RETREG1: variants seen among roughly 807,000 people sequenced by gnomAD.
The protein encoded by RETREG1 is family with sequence similarity 134 member B.
Under a neutral mutation model 54.8 loss-of-function variants are expected in RETREG1, and 44 were observed. That is an observed-to-expected ratio of 0.80 (90% CI 0.63 to 1.03). RETREG1 has a LOEUF of 1.03. Among genes scored for constraint, RETREG1 ranks in the 50% least tolerant of loss-of-function variants. RETREG1 has a pLI of 0.00. For missense variants in RETREG1, 554 were observed against 605.1 expected, an observed-to-expected ratio of 0.92 and a Z score of 0.89; for synonymous variants, 217 against 238.5, an observed-to-expected ratio of 0.91 and a Z score of 0.83.
chr5:16,535,456 G>C (rs753085178), intron 3 of RETREG1, among the ~76,000 whole-genome samples: 22 of 150,984 alleles, frequency 1.5e-4, no homozygotes, highest in Non-Finnish European at 3.1e-4. Flanking sequence ...CCATGCGTGC[G>C]CCTTTGCAGA....
At chr5:16,592,949 C>G (rs1742816226) in intron 1 of RETREG1, among the ~76,000 whole-genome samples, 1 of 152,034 alleles carries the variant, frequency 6.6e-6, no homozygotes, top group African/African-American at 2.4e-5. Flanking sequence ...GGGTACTAGG[C>G]TCAGTACCTG....
intron 1 of RETREG1, among the ~76,000 whole-genome samples, chr5:16,614,973 G>C (rs1002233811): frequency 6.6e-6 from 1 of 152,206 alleles, no homozygotes; most frequent in African/African-American, 2.4e-5. Flanking sequence ...GCTGGCCTCC[G>C]TGAGGAAACT....
intron 1 of RETREG1, among the ~76,000 whole-genome samples, chr5:16,583,680 A>G (rs2447818): frequency 0.14 from 21,687 of 152,208 alleles, 1,541 homozygotes; most frequent in Non-Finnish European, 0.16. Flanking sequence ...ATCTTGTTTG[A>G]TAATGGATAA....
intron 5 of RETREG1, among the ~76,000 whole-genome samples, chr5:16,480,080 T>C (rs1267769482): frequency 6.6e-6 from 1 of 152,056 alleles, no homozygotes; most frequent in Non-Finnish European, 1.5e-5. Context: ...AGTGAACATG[T>C]CTACCAGTAG....
chr5:16,553,986 T>C (rs1741618973), intron 3 of RETREG1, among the ~76,000 whole-genome samples: 1 of 152,192 alleles, frequency 6.6e-6, no homozygotes, highest in Admixed American at 6.5e-5. Flanking sequence ...TTAAATCTTA[T>C]TCTGGATAAT....
At position 16,585,154 on chromosome 5, in the gene RETREG1, A is replaced by G. The variant is rs1253493107; in HGVS notation, c.321-13052T>C. Among the ~76,000 whole-genome samples the G allele has an allele frequency of 6.6e-6, 1 of 152,200 alleles. No homozygotes were observed. Among genetic ancestry groups the G allele is most frequent in the Non-Finnish European group, 1.5e-5 (1 of 68,026 alleles). On this transcript the variant is annotated intron_variant, in intron 1 of 8. Transcript: ENST00000306320. This position sits in a 1 kb window ranked among gnomAD's most constrained non-coding sequence, Gnocchi z 4.5. Reference sequence around the variant, plus strand: ...GGTAGTAACAATCAGAGTCTGCTGCAGTGGAGGAGGGGAATAACCTTACTC... The same window carrying G: ...GGTAGTAACAATCAGAGTCTGCTGCGGTGGAGGAGGGGAATAACCTTACTC...
intron 3 of RETREG1, among the ~76,000 whole-genome samples, chr5:16,489,841 T>C (rs10079534): frequency 2.0e-5 from 3 of 152,034 alleles, no homozygotes; most frequent in African/African-American, 7.2e-5. Context: ...TTGAAAACTA[T>C]GTTGGGGATT....
At chr5:16,541,461 G>A (rs548927526) in intron 3 of RETREG1, among the ~76,000 whole-genome samples, 93 of 152,240 alleles carry the variant, frequency 6.1e-4, no homozygotes, top group Non-Finnish European at 8.4e-4. Flanking sequence ...AGGCAGAGGC[G>A]GCGGATCTCA....
At chr5:16,568,550 C>T (rs998698391) in intron 2 of RETREG1, among the ~76,000 whole-genome samples, 8 of 152,134 alleles carry the variant, frequency 5.3e-5, no homozygotes, top group Non-Finnish European at 7.3e-5. Context: ...TGAGGTCATG[C>T]GGAGGCATGA....
chr5:16,476,338 C>T (rs575832578), intron 8 of RETREG1, among the ~76,000 whole-genome samples: 2 of 152,232 alleles, frequency 1.3e-5, no homozygotes, highest in East Asian at 1.9e-4. Context: ...CATTCACCCT[C>T]CTCCTTTATA....
chr5:16,524,518 C>T (rs1326243831), intron 3 of RETREG1, among the ~76,000 whole-genome samples: 2 of 152,208 alleles, frequency 1.3e-5, no homozygotes, highest in African/African-American at 2.4e-5. Context: ...ACCATGGCAA[C>T]GTCATACACA....
At chr5:16,510,818 CAAAAAAA>C (rs57713373) in intron 3 of RETREG1, among the ~76,000 whole-genome samples, 15 of 75,688 alleles carry the variant, frequency 2.0e-4, no homozygotes, top group Middle Eastern at 8.6e-3. Flanking sequence ...ACAACAACAA[CAAAAAAA>C]AAAAAAAAAA....
At position 16,474,669 on chromosome 5, in the gene RETREG1, C is replaced by CTT. The variant is rs200951949; in HGVS notation, c.*70_*71dup. 39,256 of 1,253,762 alleles carry CTT rather than the reference C, an allele frequency of 0.031. 15 individuals are homozygous for CTT. Among genetic ancestry groups the CTT allele is most frequent in the Non-Finnish European group, 0.034 (31,835 of 929,042 alleles). The allele number at this position is 1,253,762 out of a possible 1,614,324, so 77.7% of individuals were successfully genotyped here. ...CTTACAGTTCAATTTTTTTCTTTTC[C>CTT]TTTTTTTTTTTTTTTTCTTGTTTGA... is the stretch of plus-strand genomic sequence containing the variant. On this transcript the variant is annotated 3_prime_UTR_variant, in exon 9 of 9. Coordinates refer to ENST00000306320, the MANE Select transcript of RETREG1 (RefSeq NM_001034850.3).
intron 1 of RETREG1, among the ~76,000 whole-genome samples, chr5:16,607,688 T>C (rs1174895433): frequency 2.0e-5 from 3 of 151,946 alleles, no homozygotes; most frequent in Non-Finnish European, 4.4e-5. Context: ...AGGAATATTA[T>C]GGTATTAATA....
At position 16,561,052 on chromosome 5, in the gene RETREG1, C is replaced by T. The variant is rs887948962; in HGVS notation, c.458+4711G>A. ...TGTATGGGGTACTTGCAACAGTTCACTTGTACCTCCCATTAACCAGATGAA... is the reference window on the plus strand; with the variant it reads ...TGTATGGGGTACTTGCAACAGTTCATTTGTACCTCCCATTAACCAGATGAA... On this transcript the variant is annotated intron_variant, in intron 3 of 8. Coordinates refer to ENST00000306320, the MANE Select transcript of RETREG1 (RefSeq NM_001034850.3). The surrounding 1 kb of genome is among the most constrained non-coding windows in gnomAD (Gnocchi z 4.2). 6.6e-6 allele frequency among the ~76,000 whole-genome samples: 1 copy of T among 152,168 alleles called. No individual in the cohort carries two copies. The highest frequency in any genetic ancestry group is 1.5e-5 in the Non-Finnish European group (1 of 68,038).
chr5:16,612,335 T>C (rs1349947172), intron 1 of RETREG1, among the ~76,000 whole-genome samples: 1 of 152,034 alleles, frequency 6.6e-6, no homozygotes, highest in Admixed American at 6.5e-5. Context: ...AAAGTTGATA[T>C]TTAAAAAAAA....
rs76298409 is a variant in RETREG1, at chr5:16,552,380, A to G, written c.458+13383T>C. Among the ~76,000 whole-genome samples, 850 of 152,362 alleles carry G rather than the reference A, an allele frequency of 5.6e-3. 3 individuals are homozygous for G. Among genetic ancestry groups the G allele is most frequent in the Non-Finnish European group, 0.01 (689 of 68,028 alleles). ...TCAAGAAAAGGAAAATACTAAGTCA[A>G]AAGACTAAGTCAAAGAGCAAGGAGG... On this transcript the variant is annotated intron_variant, in intron 3 of 8. Coordinates refer to ENST00000306320, the MANE Select transcript of RETREG1 (RefSeq NM_001034850.3).
chr5:16,485,707 T>A (rs80236779), intron 3 of RETREG1, among the ~76,000 whole-genome samples: 4,290 of 152,292 alleles, frequency 0.028, 210 homozygotes, highest in African/African-American at 0.097. Context: ...TTTATAGAGA[T>A]TACTATGAAA....
intron 1 of RETREG1, among the ~76,000 whole-genome samples, chr5:16,613,717 C>G (rs1037608819): frequency 6.6e-6 from 1 of 152,164 alleles, no homozygotes; most frequent in Non-Finnish European, 1.5e-5. Context: ...TTGCTTAAGA[C>G]AGATTTGGTT....
Sources: allele counts gnomAD v4.1 joint callset (sites outside exome capture counted in the v4.1 genomes callset), GRCh38; gene constraint gnomAD v4.1.1; non-coding constraint Gnocchi (gnomAD v3.1); transcripts MANE v1.5; gene names NCBI Gene and HGNC (gene_info 2026-07-23, HGNC 2026-07-21).